The following ALPK1 variants were observed in gnomAD, a reference collection of about 807,000 sequenced individuals.
ALPK1 encodes the protein alpha kinase 1, also known as alpha-protein kinase 1.
Under a neutral mutation model 120.6 loss-of-function variants are expected in ALPK1, and 110 were observed. That is an observed-to-expected ratio of 0.91 (90% CI 0.78 to 1.07). The LOEUF (loss-of-function observed/expected upper bound fraction) is 1.07, where lower values mean the gene tolerates loss of function less well. Among genes scored for constraint, ALPK1 ranks in the 50% least tolerant of loss-of-function variants. The pLI is 0.00. For synonymous variants in ALPK1, 582 were observed against 560.3 expected (o/e 1.04, Z -0.55); for missense variants, 1,498 against 1,483.9 (o/e 1.01, Z -0.16).
intron 2 of ALPK1, among the ~76,000 whole-genome samples, chr4:112,348,263 T>A (rs771957456): frequency 3.2e-4 from 48 of 152,180 alleles, no homozygotes; most frequent in Admixed American, 6.5e-4. Flanking sequence ...CAGTTTTAAG[T>A]TTAAGGGCAT....
chr4:112,356,387 G>A (rs1730614023), intron 2 of ALPK1: 2 of 839,790 alleles, frequency 2.4e-6, no homozygotes, highest in East Asian at 2.4e-5. Context: ...TCAGGCCTTT[G>A]TCATCCTGGG....
intron 4 of ALPK1, among the ~76,000 whole-genome samples, chr4:112,402,004 T>C (rs1203318101): frequency 6.6e-6 from 1 of 152,200 alleles, no homozygotes; most frequent in Non-Finnish European, 1.5e-5. Context: ...TGGAGCATGC[T>C]ATGTTTGGTC....
intron 2 of ALPK1, among the ~76,000 whole-genome samples, chr4:112,349,246 C>T (rs377684186): frequency 6.6e-6 from 1 of 152,094 alleles, no homozygotes; most frequent in Non-Finnish European, 1.5e-5. Context: ...CTTATTATTA[C>T]GTGACTTTAT....
intron 6 of ALPK1, chr4:112,425,021 T>G (rs1412570081): frequency 6.6e-6 from 1 of 152,372 alleles, no homozygotes; most frequent in Non-Finnish European, 1.5e-5. Flanking sequence ...ACAGGAACCT[T>G]TACCCGGCCC....
At chr4:112,315,954 TACC>T (rs1328633705) in intron 2 of ALPK1, 102 bp downstream of exon 2, 1 of 152,226 alleles carries the variant, frequency 6.6e-6, no homozygotes, top group Non-Finnish European at 1.5e-5. Context: ...AATAGAAAAG[TACC>T]ACTTTAGAGG....
At chr4:112,414,726 C>G (rs1733659187) in intron 5 of ALPK1, 1 of 163,598 alleles carries the variant, frequency 6.1e-6, no homozygotes, top group African/African-American at 2.4e-5. Context: ...CCAATTCCAT[C>G]AACATGGAGG....
At chr4:112,355,631 C>T (rs982662576) in intron 2 of ALPK1, among the ~76,000 whole-genome samples, 13 of 152,140 alleles carry the variant, frequency 8.5e-5, no homozygotes, top group Non-Finnish European at 1.9e-4. Flanking sequence ...AAGGAGGAGA[C>T]GGGCGGGACC....
intron 2 of ALPK1, chr4:112,357,007 C>G (rs1328219390): frequency 5.1e-6 from 4 of 780,756 alleles, no homozygotes; most frequent in Non-Finnish European, 9.3e-6. Flanking sequence ...CACAGCAGGG[C>G]CAGCCCCAAC....
At position 112,404,006 on chromosome 4, in the gene ALPK1, C is replaced by T. The variant is rs542430407; in HGVS notation, c.277-7821C>T. On this transcript the variant is annotated intron_variant, in intron 4 of 15. Transcript: ENST00000650871. The stretch of plus-strand genomic sequence containing the variant: ...TGGCGACAGCCAAAAGCAATTCGCA[C>T]GTGTGTGCTTAGAAGGCCCCCTTTC... Among the ~76,000 whole-genome samples, 14 of 152,366 alleles carry T rather than the reference C, an allele frequency of 9.2e-5. No individual in the cohort carries two copies. The South Asian group carries it at 2.3e-3, about 25-fold the overall frequency.
intron 2 of ALPK1, among the ~76,000 whole-genome samples, chr4:112,366,016 A>G (rs1322541899): frequency 6.6e-6 from 1 of 152,282 alleles, no homozygotes; most frequent in African/African-American, 2.4e-5. Flanking sequence ...GTAGAAGAAT[A>G]GAACTGGATC....
chr4:112,435,093 T>G, intron 11 of ALPK1, 55 bp from the exon 12 acceptor site: 1 of 1,556,812 alleles, frequency 6.4e-7, no homozygotes, highest in South Asian at 1.2e-5. Context: ...GCTTTATTCA[T>G]GAATTGTAAC....
At chr4:112,323,448 A>G (rs1544384) in intron 2 of ALPK1, among the ~76,000 whole-genome samples, 68,411 of 151,878 alleles carry the variant, frequency 0.45, 17,544 homozygotes, top group African/African-American at 0.67. Flanking sequence ...TCCTTATATC[A>G]CCTTACAGAT....
chr4:112,358,469 C>A, intron 2 of ALPK1: 1 of 665,584 alleles, frequency 1.5e-6, no homozygotes, highest in South Asian at 1.7e-5. Context: ...GAGTCTCGAC[C>A]TGCACGTCCT....
chr4:112,380,085 A>T lies in ALPK1; in HGVS notation c.121+2187A>T, dbSNP rs369752074. ...AGTGTTCAAATAATTTAAAGAATTTATTAGCTAAACTGGGACACTTCTTCT... is the reference window on the plus strand; with the variant it reads ...AGTGTTCAAATAATTTAAAGAATTTTTTAGCTAAACTGGGACACTTCTTCT... On this transcript the variant is annotated intron_variant, in intron 3 of 15. Transcript: ENST00000650871. Among the ~76,000 whole-genome samples, 16 of 152,352 alleles carry T rather than the reference A, an allele frequency of 1.1e-4. No homozygotes were observed. In the East Asian group the frequency reaches 1.7e-3, roughly 17 times the overall value.
At chr4:112,370,550 T>C (rs535575440) in intron 2 of ALPK1, among the ~76,000 whole-genome samples, 2 of 152,274 alleles carry the variant, frequency 1.3e-5, no homozygotes, top group Non-Finnish European at 2.9e-5. Context: ...AAAACTGATA[T>C]GTGTTGAGAT....
rs35182774 is a variant in ALPK1 at position 112,426,453 on chromosome 4, CT to C, written c.623-4del. ...CTCCCCTGTCCCTCTCCCCGCCCCT[CT>C]TTTTTTTTTCAGGGATGTGGTACGA... On this transcript the variant is annotated splice_polypyrimidine_tract_variant and intron_variant, in intron 7 of 15. Coordinates refer to ENST00000650871, the MANE Select transcript of ALPK1 (RefSeq NM_025144.4). The C allele has an allele frequency of 8.1e-4, 1,163 of 1,439,218 alleles. No homozygotes were observed. Among genetic ancestry groups the C allele is most frequent in the South Asian group, 2.4e-3 (189 of 78,806 alleles). The allele number at this position is 1,439,218 out of a possible 1,614,324, so 89.2% of individuals were successfully genotyped here.
At chr4:112,417,205 A>G (rs918999254) in intron 5 of ALPK1, among the ~76,000 whole-genome samples, 3 of 152,224 alleles carry the variant, frequency 2.0e-5, no homozygotes, top group African/African-American at 7.2e-5. Flanking sequence ...ATTCACACAC[A>G]CACTCACATA....
chr4:112,378,873 G>A (rs1002101423), intron 3 of ALPK1, among the ~76,000 whole-genome samples: 3 of 152,142 alleles, frequency 2.0e-5, no homozygotes, highest in African/African-American at 7.2e-5. Context: ...CCTGTCATTT[G>A]TCCTCCTTTC....
chr4:112,365,808 A>G (rs374197926), intron 2 of ALPK1, among the ~76,000 whole-genome samples: 3 of 152,178 alleles, frequency 2.0e-5, no homozygotes, highest in East Asian at 3.9e-4. Context: ...TTCAAACTAT[A>G]CTATAAGGCC....
Sources: allele counts gnomAD v4.1 joint callset (sites outside exome capture counted in the v4.1 genomes callset), GRCh38; gene constraint gnomAD v4.1.1; transcripts MANE v1.5; gene names NCBI Gene and HGNC (gene_info 2026-07-23, HGNC 2026-07-21).